Variants in KCNIP3 observed in about 807,000 individuals in gnomAD.
The protein encoded by KCNIP3 is potassium voltage-gated channel interacting protein 3.
A neutral mutation model predicts 35.0 loss-of-function variants in KCNIP3; 28 were observed. That is an observed-to-expected ratio of 0.80 (90% CI 0.59 to 1.10). KCNIP3 has a LOEUF of 1.10. Ranked by LOEUF, KCNIP3 falls within the 50% of genes least tolerant of loss-of-function variation. KCNIP3 has a pLI of 0.00. For missense variants in KCNIP3, 295 were observed against 338.4 expected, an observed-to-expected ratio of 0.87 and a Z score of 1.01; for synonymous variants, 134 against 133.8, an observed-to-expected ratio of 1.00 and a Z score of -0.01.
intron 2 of KCNIP3, among the ~76,000 whole-genome samples, chr2:95,314,868 C>A (rs1432329461): frequency 6.6e-6 from 1 of 152,214 alleles, no homozygotes; most frequent in Non-Finnish European, 1.5e-5. Context: ...TCCCGGGCTC[C>A]GGGCTTGTTC....
chr2:95,364,829 C>T (rs777211270), intron 2 of KCNIP3, among the ~76,000 whole-genome samples: 122 of 152,122 alleles, frequency 8.0e-4, no homozygotes, highest in East Asian at 3.9e-4. Flanking sequence ...GTGAAATAAA[C>T]GTCTTTTCTT....
chr2:95,350,681 C>T (rs1231492300), intron 2 of KCNIP3, among the ~76,000 whole-genome samples: 4 of 151,998 alleles, frequency 2.6e-5, no homozygotes, highest in East Asian at 1.9e-4. Context: ...TGGGTGGAGC[C>T]GAGTGAGTGA....
chr2:95,315,835 C>T (rs1678446065), intron 2 of KCNIP3, among the ~76,000 whole-genome samples: 2 of 152,190 alleles, frequency 1.3e-5, no homozygotes, highest in East Asian at 3.9e-4. Context: ...GCAGCCCCCG[C>T]AGGTACAGCC....
At position 95,376,895 on chromosome 2, in the gene KCNIP3, T is replaced by C. The variant is rs1680214423; in HGVS notation, c.447+1687T>C. ...ACACTGTCTGCAATGATTCTGTCCCTTTCTGTATATTCTTAGAGACAAGAT... is the reference window on the plus strand; with the variant it reads ...ACACTGTCTGCAATGATTCTGTCCCCTTCTGTATATTCTTAGAGACAAGAT... On this transcript the variant is annotated intron_variant, in intron 5 of 8. Transcript: ENST00000295225. The surrounding 1 kb of genome is among the most constrained non-coding windows in gnomAD (Gnocchi z 4.2). 6.6e-6 allele frequency among the ~76,000 whole-genome samples: 1 copy of C among 152,250 alleles called. No individual in the cohort carries two copies. Among genetic ancestry groups the C allele is most frequent in the South Asian group, 2.1e-4 (1 of 4,832 alleles).
intron 2 of KCNIP3, among the ~76,000 whole-genome samples, chr2:95,336,561 G>A (rs1679064695): frequency 6.6e-6 from 1 of 151,988 alleles, no homozygotes; most frequent in East Asian, 1.9e-4. Flanking sequence ...TTCATAATCA[G>A]CCACTTTCTC....
At chr2:95,313,588 T>C (rs1328116813) in intron 2 of KCNIP3, 3 of 152,260 alleles carry the variant, frequency 2.0e-5, no homozygotes, top group Non-Finnish European at 2.9e-5. Context: ...AGGATGCCTC[T>C]CCAGAGGCAT....
At chr2:95,380,967 G>A (rs1336115680) in intron 5 of KCNIP3, among the ~76,000 whole-genome samples, 1 of 152,196 alleles carries the variant, frequency 6.6e-6, no homozygotes, top group Non-Finnish European at 1.5e-5. Flanking sequence ...AGCCATGATG[G>A]CGACTGGTGA....
intron 2 of KCNIP3, among the ~76,000 whole-genome samples, chr2:95,342,849 A>C (rs2104259647): frequency 6.6e-6 from 1 of 152,292 alleles, no homozygotes; most frequent in South Asian, 2.1e-4. Flanking sequence ...ACACTGATTG[A>C]GCCAACCTCC....
At position 95,383,222 on chromosome 2, in the gene KCNIP3, T is replaced by C; in HGVS notation, c.661-10T>C. The C allele has an allele frequency of 1.9e-6, 3 of 1,604,892 alleles. No homozygotes were observed. The highest frequency in any genetic ancestry group is 2.6e-6 in the Non-Finnish European group (3 of 1,174,336). On this transcript the variant is annotated splice_polypyrimidine_tract_variant and intron_variant, in intron 7 of 8. Transcript: ENST00000295225. ...GCACAGACTCACTTTGGGCATGGCT[T>C]GGGTTGCAGAAAATGGACCGGAACC...
At chr2:95,319,298 G>A (rs557654676) in intron 2 of KCNIP3, among the ~76,000 whole-genome samples, 10 of 152,296 alleles carry the variant, frequency 6.6e-5, no homozygotes, top group South Asian at 6.2e-4. Flanking sequence ...GTGGGGACTC[G>A]GAGAGCCCAG....
intron 1 of KCNIP3, among the ~76,000 whole-genome samples, chr2:95,297,707 C>G (rs1677906893): frequency 6.6e-6 from 1 of 151,970 alleles, no homozygotes; most frequent in Admixed American, 6.5e-5. Flanking sequence ...GGCTGAACTC[C>G]TAGGGCTCCC....
At position 95,326,046 on chromosome 2, in the gene KCNIP3, TAC is replaced by T. The variant is rs146126000; in HGVS notation, c.181+15536_181+15537del. On this transcript the variant is annotated intron_variant, in intron 2 of 8. Coordinates refer to ENST00000295225, the MANE Select transcript of KCNIP3 (RefSeq NM_013434.5). ...TCACTCATACACACATACACTCATA[TAC>T]ACACACACATACACATTCACTCATA... 4.9e-3 allele frequency among the ~76,000 whole-genome samples: 737 copies of T among 149,376 alleles called. 5 individuals are homozygous for T. The highest frequency in any genetic ancestry group is 0.025 in the East Asian group (125 of 5,010).
At chr2:95,306,713 C>T (rs997622603) in intron 1 of KCNIP3, among the ~76,000 whole-genome samples, 4 of 152,148 alleles carry the variant, frequency 2.6e-5, no homozygotes, top group African/African-American at 9.7e-5. Flanking sequence ...CACTGGGGCT[C>T]CCGGCAGGGT....
intron 2 of KCNIP3, among the ~76,000 whole-genome samples, chr2:95,348,996 C>T (rs182760784): frequency 1.3e-5 from 2 of 152,260 alleles, no homozygotes; most frequent in African/African-American, 2.4e-5. Context: ...CTTTGTGAGC[C>T]GTGCTTATCA....
intron 2 of KCNIP3, among the ~76,000 whole-genome samples, chr2:95,325,715 A>G (rs1247674118): frequency 6.6e-6 from 1 of 151,822 alleles, no homozygotes; most frequent in Non-Finnish European, 1.5e-5. Flanking sequence ...ACACACAGTC[A>G]TACACTTATA....
At position 95,384,016 on chromosome 2, in the gene KCNIP3, GAGCTCCATGC is replaced by G; in HGVS notation, c.743_752del (p.Ser248CysfsTer36). 2 of 1,613,936 alleles carry G rather than the reference GAGCTCCATGC, an allele frequency of 1.2e-6. No homozygotes were observed. Among genetic ancestry groups the G allele is most frequent in the Non-Finnish European group, 1.7e-6 (2 of 1,179,982 alleles). On this transcript the variant is annotated frameshift_variant, in exon 9 of 9. Coordinates refer to ENST00000295225, the MANE Select transcript of KCNIP3 (RefSeq NM_013434.5). LOFTEE classifies it high-confidence loss of function. The stretch of plus-strand genomic sequence containing the variant: ...TCTCCATGCAGGATGAGAACATCAT[GAGCTCCATGC>G]AGCTGTTTGAGAATGTCATCTAGGA...
chr2:95,344,502 C>T (rs186163721), intron 2 of KCNIP3, among the ~76,000 whole-genome samples: 4 of 152,334 alleles, frequency 2.6e-5, no homozygotes, highest in South Asian at 2.1e-4. Flanking sequence ...ATATTTTACA[C>T]GGCACAGCCA....
At chr2:95,351,863 G>A (rs1032615119) in intron 2 of KCNIP3, among the ~76,000 whole-genome samples, 2 of 152,172 alleles carry the variant, frequency 1.3e-5, no homozygotes, top group African/African-American at 2.4e-5. Flanking sequence ...GTGTTGGGGT[G>A]TACGTGTCAG....
At chr2:95,344,806 G>A (rs1679307982) in intron 2 of KCNIP3, among the ~76,000 whole-genome samples, 1 of 152,236 alleles carries the variant, frequency 6.6e-6, no homozygotes, top group South Asian at 2.1e-4. Context: ...AGCCCCCGGA[G>A]AGGCTGGATT....
Sources: gnomAD v4.1 joint callset for allele counts (sites outside exome capture counted in the v4.1 genomes callset) on GRCh38, gnomAD v4.1.1 for gene constraint, Gnocchi (gnomAD v3.1) non-coding constraint, MANE v1.5 for transcripts, NCBI Gene and HGNC (gene_info 2026-07-23, HGNC 2026-07-21) for gene names.